DCAF6: variants seen among roughly 807,000 people sequenced by gnomAD.
DCAF6 encodes the protein DDB1- and CUL4-associated factor 6.
A neutral mutation model predicts 125.1 loss-of-function variants in DCAF6; 54 were observed. The observed-to-expected ratio is 0.43, with a 90% CI of 0.35 to 0.54. The LOEUF is 0.54. Ranked by LOEUF, DCAF6 falls within the 20% of genes least tolerant of loss-of-function variation. The pLI is 0.01. For missense variants in DCAF6, 934 were observed against 1,161.7 expected, an observed-to-expected ratio of 0.80 and a Z score of 2.85; for synonymous variants, 371 against 390.4, an observed-to-expected ratio of 0.95 and a Z score of 0.58.
At chr1:167,893,632 G>T in the DCAF6 span, among the ~76,000 whole-genome samples, 1 of 146,996 alleles carries the variant, frequency 6.8e-6, no homozygotes, top group Non-Finnish European at 1.5e-5. Flanking sequence ...GGAGGCGGAG[G>T]TTGCAGTGAG....
intron 3 of DCAF6, among the ~76,000 whole-genome samples, chr1:167,973,528 A>G (rs977316101): frequency 4.6e-5 from 7 of 152,158 alleles, no homozygotes; most frequent in Admixed American, 1.3e-4. Flanking sequence ...TTTCTTCTAC[A>G]TTTATTAATT....
At position 168,014,233 on chromosome 1, in the gene DCAF6, G is replaced by A. The variant is rs540234780; in HGVS notation, c.1379-1548G>A. ...AATAGCTCTTGTCGAGGTCATCAAT[G>A]ACTTCCATCATACAAAATCCAGTGA... On this transcript the variant is annotated intron_variant, in intron 10 of 21. Coordinates refer to ENST00000367840, the MANE Select transcript of DCAF6 (RefSeq NM_001198956.2). Among the ~76,000 whole-genome samples, 37 of 152,214 alleles carry A rather than the reference G, an allele frequency of 2.4e-4. No homozygotes were observed. The Middle Eastern group carries it at 0.017, about 70-fold the overall frequency.
chr1:167,962,478 C>T (rs1352487967), intron 2 of DCAF6, among the ~76,000 whole-genome samples: 1 of 152,102 alleles, frequency 6.6e-6, no homozygotes, highest in Non-Finnish European at 1.5e-5. Flanking sequence ...ATTTTTCTTG[C>T]TTTGAACTCT....
intron 3 of DCAF6, among the ~76,000 whole-genome samples, chr1:167,967,714 C>CTTTTTTTTTTTTTTTTTTTTTTT (rs552208317): frequency 1.9e-4 from 14 of 74,578 alleles, no homozygotes; most frequent in African/African-American, 6.8e-4. Context: ...TTTCCTGTAT[C>CTTTTTTTTTTTTTTTTTTTTTTT]TTTTTTTTTT....
the DCAF6 span, among the ~76,000 whole-genome samples, chr1:167,928,165 G>A: frequency 6.6e-6 from 1 of 152,022 alleles, no homozygotes; most frequent in Non-Finnish European, 1.5e-5. Flanking sequence ...TGGCTAACAC[G>A]GTGAAACCCT....
intron 4 of DCAF6, among the ~76,000 whole-genome samples, chr1:167,977,572 A>G (rs1349731042): frequency 6.6e-6 from 1 of 151,506 alleles, no homozygotes; most frequent in Non-Finnish European, 1.5e-5. Context: ...CTTGATGTGC[A>G]TTGTTTTTTA....
At chr1:168,026,664 C>T (rs7536129) in intron 12 of DCAF6, among the ~76,000 whole-genome samples, 2,821 of 151,638 alleles carry the variant, frequency 0.019, 76 homozygotes, top group African/African-American at 0.065. Flanking sequence ...AAGATAGAGA[C>T]TTTAGGAGGA....
At chr1:167,883,216 T>G in the DCAF6 span, among the ~76,000 whole-genome samples, 1 of 152,200 alleles carries the variant, frequency 6.6e-6, no homozygotes, top group Non-Finnish European at 1.5e-5. Context: ...TTTTGCATTT[T>G]TAGTAGAGAC....
intron 17 of DCAF6, among the ~76,000 whole-genome samples, chr1:168,060,079 G>T (rs1213553801): frequency 1.3e-5 from 2 of 152,046 alleles, no homozygotes; most frequent in Non-Finnish European, 2.9e-5. Flanking sequence ...TAGGCTAATT[G>T]TCCCCTGCTG....
At position 168,010,479 on chromosome 1, in the gene DCAF6, A is replaced by AT. The variant is rs552539088; in HGVS notation, c.1379-5291dup. 5.9e-4 allele frequency among the ~76,000 whole-genome samples: 87 copies of AT among 146,474 alleles called. 1 individual carries two copies. The Middle Eastern group carries it at 0.011, about 18-fold the overall frequency. On this transcript the variant is annotated intron_variant, in intron 10 of 21. Transcript: ENST00000367840. ...AATGGAATTTAAAATCAGTTGATGGATTTTTTTTTTTGCTTTACCCTTTGT... is the reference window on the plus strand; with the variant it reads ...AATGGAATTTAAAATCAGTTGATGGATTTTTTTTTTTTGCTTTACCCTTTGT...
intron 12 of DCAF6, among the ~76,000 whole-genome samples, chr1:168,029,719 G>A (rs1423647261): frequency 4.6e-5 from 7 of 152,232 alleles, no homozygotes; most frequent in East Asian, 1.9e-4. Context: ...GGTGGCTCAC[G>A]CCTGTAATCC....
the DCAF6 span, chr1:167,870,470 T>C: frequency 3.5e-6 from 5 of 1,438,154 alleles, no homozygotes; most frequent in Non-Finnish European, 4.8e-6. Context: ...TCTAGAGATA[T>C]AAAAAGTCAC....
At chr1:167,891,513 G>A in the DCAF6 span, among the ~76,000 whole-genome samples, 3 of 151,674 alleles carry the variant, frequency 2.0e-5, no homozygotes, top group African/African-American at 7.3e-5. Flanking sequence ...AAACGTAGCC[G>A]GGCGTGGTGG....
upstream of DCAF6, chr1:167,935,680 T>G: frequency 3.4e-6 from 5 of 1,478,622 alleles, no homozygotes; most frequent in Non-Finnish European, 4.6e-6. Context: ...AAGGTCCATT[T>G]TAGAGGAAGC....
chr1:168,055,526 A>C (rs1690581886), intron 17 of DCAF6, among the ~76,000 whole-genome samples: 1 of 82,468 alleles, frequency 1.2e-5, no homozygotes, highest in Non-Finnish European at 2.1e-5. Context: ...TGGAAAGATC[A>C]TTAAGTATTT....
At chr1:167,935,104 G>C (rs1422274902), upstream of DCAF6, among the ~76,000 whole-genome samples, 3 of 152,326 alleles carry the variant, frequency 2.0e-5, no homozygotes, top group South Asian at 6.2e-4. Flanking sequence ...ATAAGTGGTA[G>C]AAGAGAATGA....
At chr1:167,941,680 T>C (rs1404675726) in intron 1 of DCAF6, among the ~76,000 whole-genome samples, 5 of 152,124 alleles carry the variant, frequency 3.3e-5, no homozygotes, top group Admixed American at 1.3e-4. Flanking sequence ...TCTTGTAATT[T>C]AATGTTGCTT....
chr1:167,950,809 G>A (rs1673809004), intron 1 of DCAF6, among the ~76,000 whole-genome samples: 1 of 152,146 alleles, frequency 6.6e-6, no homozygotes, highest in Non-Finnish European at 1.5e-5. Flanking sequence ...ATTCCTTAAA[G>A]GGACAGATTT....
chr1:167,894,407 C>T, the DCAF6 span, among the ~76,000 whole-genome samples: 2 of 152,110 alleles, frequency 1.3e-5, no homozygotes, highest in Non-Finnish European at 2.9e-5. Context: ...AGTCACTTTG[C>T]TGCCCTGGTT....
Sources: allele counts gnomAD v4.1 joint callset (sites outside exome capture counted in the v4.1 genomes callset), GRCh38; gene constraint gnomAD v4.1.1; transcripts MANE v1.5; gene names NCBI Gene and HGNC (gene_info 2026-07-23, HGNC 2026-07-21).